The following CDH12 variants were observed in gnomAD, a reference collection of about 807,000 sequenced individuals.
CDH12 encodes cadherin-12.
Under a neutral mutation model 74.1 loss-of-function variants are expected in CDH12, and 41 were observed. That is an observed-to-expected ratio of 0.55 (90% CI 0.43 to 0.72). The LOEUF (loss-of-function observed/expected upper bound fraction) is 0.72. Among genes scored for constraint, CDH12 ranks in the 30% least tolerant of loss-of-function variants. The probability of loss-of-function intolerance (pLI) is 0.00; values close to 1 mark genes in which losing one functional copy is unlikely to be tolerated. For synonymous variants in CDH12, 399 were observed against 355.0 expected (o/e 1.12, Z -1.39); for missense variants, 945 against 977.2 (o/e 0.97, Z 0.44).
At chr5:21,781,533 G>A (rs1298773104) in intron 11 of CDH12, among the ~76,000 whole-genome samples, 5 of 152,026 alleles carry the variant, frequency 3.3e-5, no homozygotes, top group Non-Finnish European at 5.9e-5. Flanking sequence ...AGATCAGCAC[G>A]GCCAAGATGG....
chr5:22,704,405 A>G (rs778766068), intron 1 of CDH12, among the ~76,000 whole-genome samples: 22 of 152,214 alleles, frequency 1.4e-4, no homozygotes, highest in Middle Eastern at 3.4e-3. Flanking sequence ...TTTGCAATCA[A>G]ATTTTTTTTT....
intron 1 of CDH12, among the ~76,000 whole-genome samples, chr5:22,723,833 C>A (rs1441935766): frequency 3.3e-5 from 5 of 151,922 alleles, no homozygotes; most frequent in South Asian, 2.1e-4. Context: ...TCTTGATGTA[C>A]AGTTTCTGGA....
intron 1 of CDH12, among the ~76,000 whole-genome samples, chr5:22,551,476 T>C (rs1738567610): frequency 6.6e-6 from 1 of 151,916 alleles, no homozygotes; most frequent in Non-Finnish European, 1.5e-5. Context: ...AACCTTCACA[T>C]GGCCCACAGG....
At chr5:22,413,227 G>A (rs530661717) in intron 2 of CDH12, among the ~76,000 whole-genome samples, 1 of 152,058 alleles carries the variant, frequency 6.6e-6, no homozygotes, top group South Asian at 2.1e-4. Flanking sequence ...AGCTATGTGA[G>A]GGAAAGACCA....
chr5:22,609,288 C>A (rs540442684), intron 1 of CDH12, among the ~76,000 whole-genome samples: 1 of 152,174 alleles, frequency 6.6e-6, no homozygotes, highest in Non-Finnish European at 1.5e-5. Context: ...ACTCATGTCA[C>A]TGCTTAAGCT....
chr5:22,220,912 G>C (rs1350928998), intron 3 of CDH12, among the ~76,000 whole-genome samples: 1 of 151,534 alleles, frequency 6.6e-6, no homozygotes, highest in African/African-American at 2.4e-5. Flanking sequence ...TACAAACCAA[G>C]AAAACTGATT....
intron 1 of CDH12, among the ~76,000 whole-genome samples, chr5:22,700,887 TAG>T (rs757879802): frequency 2.3e-4 from 35 of 152,332 alleles, no homozygotes; most frequent in African/African-American, 8.2e-4. Context: ...TTTTAATAAA[TAG>T]AGAGTTGTAA....
chr5:22,663,694 C>T (rs1740460457), intron 1 of CDH12, among the ~76,000 whole-genome samples: 1 of 151,990 alleles, frequency 6.6e-6, no homozygotes, highest in Non-Finnish European at 1.5e-5. Flanking sequence ...AGTTTATCAC[C>T]CACTTTAATG....
chr5:21,929,370 T>C (rs1286768438), intron 6 of CDH12, among the ~76,000 whole-genome samples: 1 of 151,644 alleles, frequency 6.6e-6, no homozygotes, highest in African/African-American at 2.4e-5. Context: ...GATGGTCCCT[T>C]CTGGGGTGAT....
intron 3 of CDH12, among the ~76,000 whole-genome samples, chr5:22,379,888 G>T (rs1224403304): frequency 2.0e-5 from 3 of 152,122 alleles, no homozygotes; most frequent in African/African-American, 7.2e-5. Context: ...CAAGTAATTA[G>T]AATTACTGGC....
chr5:21,897,811 A>G (rs1397713870), intron 6 of CDH12, among the ~76,000 whole-genome samples: 1 of 152,206 alleles, frequency 6.6e-6, no homozygotes, highest in East Asian at 1.9e-4. Flanking sequence ...TCTTCCATGT[A>G]TTACAATATT....
At chr5:21,949,440 A>C in intron 6 of CDH12, among the ~76,000 whole-genome samples, 1 of 139,662 alleles carries the variant, frequency 7.2e-6, no homozygotes, top group African/African-American at 2.9e-5. Context: ...ACAGAACGAG[A>C]CTCTGTCTCA....
intron 1 of CDH12, among the ~76,000 whole-genome samples, chr5:22,736,853 T>C (rs1744756411): frequency 6.6e-6 from 1 of 151,948 alleles, no homozygotes; most frequent in Non-Finnish European, 1.5e-5. Context: ...CCAACTGGAA[T>C]GGGAATGTAG....
Position 22,460,713 on chromosome 5 carries a change from A to ATTTTTTTTT in CDH12, c.-428+44548_-428+44556dup, listed in dbSNP as rs3039460. ...AGAGAACAGTTGATGATATCTAGCAATTTTTTTTTTTTTTTTTTTTTTTTT... is the reference window on the plus strand; with the variant it reads ...AGAGAACAGTTGATGATATCTAGCAATTTTTTTTTTTTTTTTTTTTTTTTTTTTTTTTTT... On this transcript the variant is annotated intron_variant, in intron 2 of 14. Transcript: ENST00000382254. Among the ~76,000 whole-genome samples the ATTTTTTTTT allele has an allele frequency of 7.4e-3, 634 of 85,592 alleles. 54 individuals are homozygous for ATTTTTTTTT. Among genetic ancestry groups the ATTTTTTTTT allele is most frequent in the African/African-American group, 0.027 (540 of 19,760 alleles). The allele number at this position is 85,592 out of a possible 152,430, so 56.2% of individuals were successfully genotyped here. A position where few individuals can be genotyped will look rare whatever the true frequency, so the allele number is the denominator to read the frequency against.
chr5:22,028,209 G>A (rs1738523659), intron 5 of CDH12, among the ~76,000 whole-genome samples: 2 of 152,084 alleles, frequency 1.3e-5, no homozygotes, highest in Non-Finnish European at 2.9e-5. Context: ...ACAAGACAGG[G>A]ATGCCCTCTC....
chr5:21,764,617 C>T (rs2149875629), intron 12 of CDH12, among the ~76,000 whole-genome samples: 1 of 147,368 alleles, frequency 6.8e-6, no homozygotes, highest in African/African-American at 2.5e-5. Flanking sequence ...CCATTACACT[C>T]CAGCCTGGGT....
At chr5:22,753,902 T>G (rs1745740747) in intron 1 of CDH12, among the ~76,000 whole-genome samples, 1 of 152,148 alleles carries the variant, frequency 6.6e-6, no homozygotes, top group Non-Finnish European at 1.5e-5. Context: ...ATTATCTAAC[T>G]TCTGTTGCAA....
chr5:22,580,459 C>A (rs1454382587), intron 1 of CDH12: 8 of 510,362 alleles, frequency 1.6e-5, no homozygotes, highest in Non-Finnish European at 8.1e-6. Context: ...AACCTGGCGA[C>A]TGCATGCGTG....
chr5:22,643,132 T>G (rs1022706240), intron 1 of CDH12, among the ~76,000 whole-genome samples: 9 of 152,190 alleles, frequency 5.9e-5, no homozygotes, highest in Admixed American at 1.3e-4. Context: ...CAAGCTATAT[T>G]GAAAGAGACT....
Sources: gnomAD v4.1 joint callset for allele counts (sites outside exome capture counted in the v4.1 genomes callset) on GRCh38, gnomAD v4.1.1 for gene constraint, MANE v1.5 for transcripts, NCBI Gene and HGNC (gene_info 2026-07-23, HGNC 2026-07-21) for gene names.